EIF4G3: variants seen among roughly 807,000 people sequenced by gnomAD.
The protein encoded by EIF4G3 is eIF-4-gamma 3.
In EIF4G3, 34 loss-of-function variants were observed where a neutral mutation model predicts 186.4. That is an observed-to-expected ratio of 0.18 (90% CI 0.14 to 0.24). The LOEUF is 0.24. Among genes scored for constraint, EIF4G3 ranks in the 10% least tolerant of loss-of-function variants. EIF4G3 has a pLI of 1.00. For synonymous variants in EIF4G3, 673 were observed against 679.5 expected (o/e 0.99, Z 0.15); for missense variants, 1,536 against 1,948.5 (o/e 0.79, Z 3.99).
chr1:20,954,407 G>C (rs934150318), intron 12 of EIF4G3, among the ~76,000 whole-genome samples: 2 of 151,642 alleles, frequency 1.3e-5, no homozygotes, highest in Non-Finnish European at 2.9e-5. Flanking sequence ...ACAGTGGCAG[G>C]CACCTATAAT....
intron 4 of EIF4G3, among the ~76,000 whole-genome samples, chr1:21,032,384 G>A (rs931855979): frequency 8.5e-5 from 13 of 152,144 alleles, no homozygotes; most frequent in Non-Finnish European, 2.9e-5. Context: ...TCCTCAGCAT[G>A]GTTCTAATGG....
At chr1:20,951,685 T>C (rs775841166) in intron 12 of EIF4G3, among the ~76,000 whole-genome samples, 40 of 151,238 alleles carry the variant, frequency 2.6e-4, no homozygotes, top group Non-Finnish European at 1.6e-4. Flanking sequence ...GTAAATTGTA[T>C]CATTTACCTA....
intron 3 of EIF4G3, among the ~76,000 whole-genome samples, chr1:21,058,695 TTTC>T (rs1029211017): frequency 2.7e-5 from 4 of 147,714 alleles, no homozygotes; most frequent in African/African-American, 5.0e-5. Flanking sequence ...CCCAGTAATT[TTTC>T]TTCTTCTTCT....
At chr1:20,938,748 GA>G (rs2095602573) in intron 14 of EIF4G3, among the ~76,000 whole-genome samples, 1 of 152,146 alleles carries the variant, frequency 6.6e-6, no homozygotes, top group South Asian at 2.1e-4. Flanking sequence ...TAACTTTTGT[GA>G]CAAAACCATT....
chr1:21,082,820 C>T (rs1397858832), intron 3 of EIF4G3, among the ~76,000 whole-genome samples: 4 of 151,492 alleles, frequency 2.6e-5, no homozygotes, highest in African/African-American at 9.7e-5. Flanking sequence ...GGGCGGATCA[C>T]GAGGTCAGGA....
chr1:21,121,942 C>T (rs1191973096), intron 2 of EIF4G3, among the ~76,000 whole-genome samples: 1 of 152,058 alleles, frequency 6.6e-6, no homozygotes, highest in African/African-American at 2.4e-5. Flanking sequence ...GGTAGGTTAC[C>T]TTATGAGGTA....
intron 25 of EIF4G3, among the ~76,000 whole-genome samples, chr1:20,857,096 G>C (rs1173092741): frequency 7.1e-6 from 1 of 140,478 alleles, no homozygotes; most frequent in East Asian, 2.1e-4. Flanking sequence ...TCGGGAGGTG[G>C]AGCCTGCAGT....
At chr1:20,883,711 A>G (rs1572173116) in intron 19 of EIF4G3, among the ~76,000 whole-genome samples, 1 of 152,298 alleles carries the variant, frequency 6.6e-6, no homozygotes, top group East Asian at 1.9e-4. Flanking sequence ...AAAATAAAGT[A>G]GATATTTTAT....
intron 36 of EIF4G3, among the ~76,000 whole-genome samples, chr1:20,809,847 C>G (rs946030370): frequency 6.6e-6 from 1 of 152,228 alleles, no homozygotes; most frequent in Non-Finnish European, 1.5e-5. Context: ...TTACCATACT[C>G]AATGGTATGG....
chr1:20,827,548 T>G (rs951095938), intron 32 of EIF4G3, 69 bp downstream of exon 32: 2 of 966,244 alleles, frequency 2.1e-6, no homozygotes, highest in South Asian at 3.3e-5. Context: ...TATTCACAGA[T>G]AACCCAAGAT....
At position 20,950,022 on chromosome 1, in the gene EIF4G3, T is replaced by C. The variant is rs1178780149; in HGVS notation, c.804A>G (p.Ala268=). Residue 268 remains alanine (A), a synonymous_variant, in exon 13 of 37, where the codon GCA becomes GCG. Transcript: ENST00000602326. ...ACAAACCTTGCTTCTGGTCGCTAGC[T>C]GCAGTGACAGGGGTGCTGGCAGCAA... The part of the protein sequence containing the change: ...AHLAASTPVT[A]ASDQKQEEKP... 4 of 1,613,480 alleles carry C rather than the reference T, an allele frequency of 2.5e-6. No individual in the cohort carries two copies. In the African/African-American group the frequency reaches 5.3e-5, roughly 22 times the overall value.
chr1:20,857,876 T>C (rs1009218640), intron 24 of EIF4G3, among the ~76,000 whole-genome samples: 1 of 152,226 alleles, frequency 6.6e-6, no homozygotes, highest in Non-Finnish European at 1.5e-5. Flanking sequence ...TTGTATTTAA[T>C]GGGATCAAAT....
chr1:21,176,130 G>T (rs2098099330), intron 2 of EIF4G3, 45 bp downstream of exon 2: 3 of 346,978 alleles, frequency 8.6e-6, no homozygotes, highest in African/African-American at 2.2e-5. Flanking sequence ...CCCCTGGACT[G>T]CGACGACGAG....
chr1:20,977,759 A>G (rs1483147743), intron 10 of EIF4G3, among the ~76,000 whole-genome samples: 1 of 152,236 alleles, frequency 6.6e-6, no homozygotes, highest in Non-Finnish European at 1.5e-5. Context: ...TCTAATAGAA[A>G]TAAAGCCAAA....
chr1:20,875,041 T>C (rs1257299311), intron 20 of EIF4G3, among the ~76,000 whole-genome samples: 1 of 152,160 alleles, frequency 6.6e-6, no homozygotes, highest in South Asian at 2.1e-4. Flanking sequence ...TACCATAGTA[T>C]TATCATGGTC....
At chr1:21,020,609 T>C (rs773268278) in intron 4 of EIF4G3, among the ~76,000 whole-genome samples, 1 of 152,232 alleles carries the variant, frequency 6.6e-6, no homozygotes, top group Non-Finnish European at 1.5e-5. Context: ...TCAAACGATG[T>C]CCAAGTCAGG....
chr1:20,945,786 G>C (rs188521645), intron 13 of EIF4G3, among the ~76,000 whole-genome samples: 191 of 152,200 alleles, frequency 1.3e-3, no homozygotes, highest in African/African-American at 4.4e-3. Context: ...CATCTGGCAA[G>C]AATTTGTTTG....
intron 3 of EIF4G3, chr1:21,064,740 A>G (rs2095139432): frequency 6.6e-6 from 1 of 152,244 alleles, no homozygotes; most frequent in Non-Finnish European, 1.5e-5. Context: ...CTACACAAGC[A>G]TAACAAATTA....
intron 12 of EIF4G3, among the ~76,000 whole-genome samples, chr1:20,961,312 G>C (rs1234167093): frequency 6.6e-6 from 1 of 152,114 alleles, no homozygotes; most frequent in South Asian, 2.1e-4. Context: ...GAACCAGGGA[G>C]GCAGAGGTTG....
Sources: gnomAD v4.1 joint callset for allele counts (sites outside exome capture counted in the v4.1 genomes callset) on GRCh38, gnomAD v4.1.1 for gene constraint, MANE v1.5 for transcripts, NCBI Gene and HGNC (gene_info 2026-07-23, HGNC 2026-07-21) for gene names.